CEP128: variants seen among roughly 807,000 people sequenced by gnomAD.
CEP128 encodes centrosomal protein 128.
CEP128 carries 132 observed loss-of-function variants against 156.7 expected under a neutral mutation model. The observed-to-expected ratio is 0.84, with a 90% CI of 0.73 to 0.97. CEP128 has a LOEUF of 0.97. CEP128 is among the 50% of genes least tolerant of loss of function. CEP128 has a pLI of 0.00. For missense variants in CEP128, 1,252 were observed against 1,281.9 expected (o/e 0.98, Z 0.36); for synonymous variants, 469 against 448.9 (o/e 1.04, Z -0.57).
intron 2 of CEP128, among the ~76,000 whole-genome samples, chr14:80,928,245 C>T (rs1057086199): frequency 3.3e-5 from 5 of 152,186 alleles, no homozygotes; most frequent in Non-Finnish European, 7.3e-5. Context: ...TTCTATAACA[C>T]TCCCAAAAGA....
At chr14:80,723,674 C>T (rs1461650565) in intron 19 of CEP128, among the ~76,000 whole-genome samples, 2 of 152,170 alleles carry the variant, frequency 1.3e-5, no homozygotes, top group Non-Finnish European at 2.9e-5. Context: ...TTGCTTTGTT[C>T]ATTGGCCAAA....
intron 19 of CEP128, among the ~76,000 whole-genome samples, chr14:80,591,073 T>C (rs1382448784): frequency 6.6e-6 from 1 of 151,884 alleles, no homozygotes; most frequent in Non-Finnish European, 1.5e-5. Flanking sequence ...GTAAAGACCA[T>C]CAACACTAGG....
chr14:80,598,206 T>C (rs556159168), intron 19 of CEP128, among the ~76,000 whole-genome samples: 1 of 151,848 alleles, frequency 6.6e-6, no homozygotes, highest in African/African-American at 2.4e-5. Context: ...CCAAAGAATC[T>C]ACAAAACAAA....
At chr14:80,731,833 CA>C (rs1403252789) in intron 19 of CEP128, among the ~76,000 whole-genome samples, 1 of 152,136 alleles carries the variant, frequency 6.6e-6, no homozygotes, top group Non-Finnish European at 1.5e-5. Context: ...TAAACATTAT[CA>C]GACTAGTTTG....
chr14:80,708,913 C>T (rs893608931), intron 19 of CEP128, among the ~76,000 whole-genome samples: 3 of 151,978 alleles, frequency 2.0e-5, no homozygotes. Flanking sequence ...TCCATCTCCA[C>T]TGATTTCAAA....
intron 21 of CEP128, among the ~76,000 whole-genome samples, chr14:80,546,006 C>T (rs935815824): frequency 6.6e-6 from 1 of 152,058 alleles, no homozygotes; most frequent in African/African-American, 2.4e-5. Flanking sequence ...TTCTTAGAGC[C>T]TACATGTAAA....
In CEP128 at chr14:80,831,131, G is replaced by A; in HGVS notation, c.1209+12C>T. The A allele has an allele frequency of 3.1e-6, 5 of 1,612,380 alleles. No individual in the cohort carries two copies. The highest frequency in any genetic ancestry group is 3.4e-6 in the Non-Finnish European group (4 of 1,178,602). On this transcript the variant is annotated intron_variant, in intron 13 of 24. Coordinates refer to ENST00000555265, the MANE Select transcript of CEP128 (RefSeq NM_152446.5). ...AAATATTTCGAATATGACTTAAAAA[G>A]AGCAAAGTCACCTCTACTTGTGATG...
chr14:80,706,689 A>G, intron 19 of CEP128, among the ~76,000 whole-genome samples: 1 of 152,056 alleles, frequency 6.6e-6, no homozygotes, highest in Admixed American at 6.6e-5. Context: ...TCTTTTACCA[A>G]AGTTGGAGCT....
chr14:80,817,204 C>G (rs1204744598), intron 13 of CEP128, among the ~76,000 whole-genome samples: 1 of 152,080 alleles, frequency 6.6e-6, no homozygotes, highest in Non-Finnish European at 1.5e-5. Flanking sequence ...ACTATTCCAG[C>G]CAATTCACTA....
At chr14:80,736,557 T>C (rs1035035258) in intron 19 of CEP128, among the ~76,000 whole-genome samples, 1 of 151,998 alleles carries the variant, frequency 6.6e-6, no homozygotes, top group African/African-American at 2.4e-5. Flanking sequence ...CCTCAATATT[T>C]TGGAAGAGGA....
At chr14:80,848,104 A>G (rs1451310303) in intron 9 of CEP128, among the ~76,000 whole-genome samples, 1 of 152,204 alleles carries the variant, frequency 6.6e-6, no homozygotes, top group African/African-American at 2.4e-5. Flanking sequence ...ATGGTTGACA[A>G]ATAATGAAAG....
intron 24 of CEP128, among the ~76,000 whole-genome samples, chr14:80,500,842 C>G (rs555415763): frequency 6.6e-6 from 1 of 152,294 alleles, no homozygotes; most frequent in Non-Finnish European, 1.5e-5. Flanking sequence ...TGACTGTTTA[C>G]ATTATTATGA....
intron 19 of CEP128, among the ~76,000 whole-genome samples, chr14:80,684,705 A>AG (rs1328605262): frequency 6.6e-6 from 1 of 152,076 alleles, no homozygotes; most frequent in African/African-American, 2.4e-5. Context: ...CCTCAAAAAA[A>AG]AAAAAAAGCA....
intron 17 of CEP128, among the ~76,000 whole-genome samples, chr14:80,760,226 T>G (rs768904873): frequency 2.0e-5 from 3 of 151,918 alleles, no homozygotes; most frequent in Admixed American, 6.6e-5. Flanking sequence ...AGCCAATTAC[T>G]TCTCATATTA....
intron 19 of CEP128, among the ~76,000 whole-genome samples, chr14:80,618,785 A>C (rs11844022): frequency 0.052 from 7,907 of 152,072 alleles, 656 homozygotes; most frequent in African/African-American, 0.18. Context: ...AACCATAACA[A>C]TCACTTGGAG....
chr14:80,901,099 G>GGGA, intron 6 of CEP128, among the ~76,000 whole-genome samples: 1 of 151,992 alleles, frequency 6.6e-6, no homozygotes, highest in Non-Finnish European at 1.5e-5. Flanking sequence ...CCAGCTACTC[G>GGGA]GGAGGCTGAG....
intron 21 of CEP128, among the ~76,000 whole-genome samples, chr14:80,543,240 C>G (rs558825025): frequency 6.6e-6 from 1 of 152,346 alleles, no homozygotes; most frequent in African/African-American, 2.4e-5. Flanking sequence ...ACTCTTCTGG[C>G]TCTTGTAGCA....
rs74064245 is a variant in CEP128, at chr14:80,553,500, A to G, written c.2880+5779T>C. Reference sequence around the variant, plus strand: ...CTGGGTTCTCTATTTGATTACACTGACCGACTTATATATTCCTTTGCCAAG... The same window carrying G: ...CTGGGTTCTCTATTTGATTACACTGGCCGACTTATATATTCCTTTGCCAAG... On this transcript the variant is annotated intron_variant, in intron 21 of 24. Coordinates refer to ENST00000555265, the MANE Select transcript of CEP128 (RefSeq NM_152446.5). Among the ~76,000 whole-genome samples the G allele has an allele frequency of 7.7e-3, 1,165 of 152,270 alleles. 24 individuals carry two copies. The highest frequency in any genetic ancestry group is 0.027 in the African/African-American group (1,104 of 41,554).
intron 21 of CEP128, among the ~76,000 whole-genome samples, chr14:80,536,380 G>C (rs888868112): frequency 6.6e-6 from 1 of 152,086 alleles, no homozygotes; most frequent in Non-Finnish European, 1.5e-5. Flanking sequence ...TTTAGATGAT[G>C]AATAAATTAA....
Sources: allele counts gnomAD v4.1 joint callset (sites outside exome capture counted in the v4.1 genomes callset), GRCh38; gene constraint gnomAD v4.1.1; transcripts MANE v1.5; gene names NCBI Gene and HGNC (gene_info 2026-07-23, HGNC 2026-07-21).